The following KATNAL2 variants were observed in gnomAD, a reference collection of about 807,000 sequenced individuals.
KATNAL2 encodes the protein katanin catalytic subunit A1 like 2.
KATNAL2 carries 52 observed loss-of-function variants against 76.3 expected under a neutral mutation model. The observed-to-expected ratio is 0.68, with a 90% CI of 0.55 to 0.86. The LOEUF (loss-of-function observed/expected upper bound fraction) is 0.86. KATNAL2 is among the 40% of genes least tolerant of loss of function. The pLI is 0.00. For synonymous variants in KATNAL2, 243 were observed against 244.2 expected (o/e 1.00, Z 0.05); for missense variants, 660 against 668.9 (o/e 0.99, Z 0.15).
In KATNAL2 at chr18:47,049,713, G is replaced by C. The variant is rs141594542; in HGVS notation, c.123-3167G>C. On this transcript the variant is annotated intron_variant, in intron 4 of 17. Coordinates refer to ENST00000683218, the MANE Select transcript of KATNAL2 (RefSeq NM_001387690.1). ...TTGGCCAAAGCTTTTCCAGGGTTTT[G>C]TTATTGTGGTTGTTGTTTTGGAGAC... 2.4e-3 allele frequency among the ~76,000 whole-genome samples: 367 copies of C among 152,208 alleles called. 2 individuals carry two copies. The highest frequency in any genetic ancestry group is 3.3e-3 in the Admixed American group (51 of 15,286).
At chr18:46,954,064 T>C (rs758830826) in intron 3 of KATNAL2, among the ~76,000 whole-genome samples, 1 of 152,034 alleles carries the variant, frequency 6.6e-6, no homozygotes, top group Non-Finnish European at 1.5e-5. Flanking sequence ...CTCTTCAGTA[T>C]ATACGCTTCC....
At chr18:47,085,451 G>C (rs568698477) in intron 15 of KATNAL2, among the ~76,000 whole-genome samples, 1 of 152,268 alleles carries the variant, frequency 6.6e-6, no homozygotes, top group African/African-American at 2.4e-5. Flanking sequence ...AAGACCACCA[G>C]GTTAGAAGGA....
chr18:47,048,828 CTTTTTTTTTTTTT>C (rs35366730), intron 4 of KATNAL2, among the ~76,000 whole-genome samples: 1 of 76,720 alleles, frequency 1.3e-5, no homozygotes, highest in South Asian at 5.8e-4. Context: ...AAGCCAGACT[CTTTTTTTTTTTTT>C]TTTTTTTTTT....
chr18:47,099,551 CGAA>C, intron 16 of KATNAL2, 146 bp downstream of exon 16: 1 of 688,260 alleles, frequency 1.5e-6, no homozygotes, highest in Non-Finnish European at 2.3e-6. Context: ...GGCATCTTCA[CGAA>C]GAATAAGCTC....
At position 47,063,375 on chromosome 18, in the gene KATNAL2, T is replaced by C. The variant is rs1465241287; in HGVS notation, c.726+14T>C. The C allele has an allele frequency of 6.2e-7, 1 of 1,608,880 alleles. No homozygotes were observed. Among genetic ancestry groups the C allele is most frequent in the Non-Finnish European group, 8.5e-7 (1 of 1,176,628 alleles). On this transcript the variant is annotated intron_variant, in intron 10 of 17. Transcript: ENST00000683218. Reference sequence around the variant, plus strand: ...GTGGTGAGCCGGGTAAGATCTGATATTCAATTCACAAATTTATGGAGGCAG... The same window carrying C: ...GTGGTGAGCCGGGTAAGATCTGATACTCAATTCACAAATTTATGGAGGCAG...
rs553413789 is a variant in KATNAL2, at chr18:46,919,313, C to T, written c.-510+1387C>T. 7.2e-5 allele frequency among the ~76,000 whole-genome samples: 11 copies of T among 152,090 alleles called. No homozygotes were observed. The South Asian group carries it at 2.3e-3, about 32-fold the overall frequency. ...GCCAGCCTGACCAACATGGAGAAAC[C>T]CCGTCTCCACCAAAAATGCAAAATT... On this transcript the variant is annotated intron_variant, in intron 1 of 17. Coordinates refer to ENST00000683218, the MANE Select transcript of KATNAL2 (RefSeq NM_001387690.1).
Position 47,053,163 on chromosome 18 carries a change from G to A in KATNAL2, c.289+117G>A, listed in dbSNP as rs1450175060. 3.6e-6 allele frequency: 3 copies of A among 829,726 alleles called. No homozygotes were observed. In the East Asian group the frequency reaches 7.7e-5, roughly 21 times the overall value. 51.4% of individuals were successfully genotyped at this position (829,726 alleles called of 1,614,324 possible). A position where few individuals can be genotyped will look rare whatever the true frequency, so the allele number is the denominator to read the frequency against. ...ACCCTGCACCAAAGGAGTAGGCCAG[G>A]AGGATTGTGTAGCCATTCTCATATC... is the stretch of plus-strand genomic sequence containing the variant. On this transcript the variant is annotated intron_variant, in intron 5 of 17. Transcript: ENST00000683218.
At chr18:46,950,980 G>A (rs774787280) in intron 3 of KATNAL2, among the ~76,000 whole-genome samples, 8 of 152,048 alleles carry the variant, frequency 5.3e-5, no homozygotes, top group Non-Finnish European at 8.8e-5. Context: ...CACCGTGCCC[G>A]GCGATGTTCA....
chr18:46,923,822 C>T lies in KATNAL2; in HGVS notation c.-510+5896C>T, dbSNP rs531820947. 3.9e-5 allele frequency among the ~76,000 whole-genome samples: 6 copies of T among 152,162 alleles called. No individual in the cohort carries two copies. The East Asian group carries it at 1.2e-3, about 29-fold the overall frequency. Reference sequence around the variant, plus strand: ...GTTTTGATTTGTATTTCTCTGATGGCCAGTGATGATGAGCATTTTTTCATG... The same window carrying T: ...GTTTTGATTTGTATTTCTCTGATGGTCAGTGATGATGAGCATTTTTTCATG... On this transcript the variant is annotated intron_variant, in intron 1 of 17. Transcript: ENST00000683218.
At chr18:47,089,910 T>TAA (rs2062926126) in intron 15 of KATNAL2, among the ~76,000 whole-genome samples, 2 of 151,726 alleles carry the variant, frequency 1.3e-5, no homozygotes, top group African/African-American at 4.8e-5. Flanking sequence ...AGTATTTCTT[T>TAA]TAAAAAAAAA....
intron 13 of KATNAL2, among the ~76,000 whole-genome samples, chr18:47,072,861 T>C (rs2062055017): frequency 6.6e-6 from 1 of 152,236 alleles, no homozygotes; most frequent in Admixed American, 6.5e-5. Flanking sequence ...TAAAGCATGT[T>C]CTTTCATATG....
At chr18:46,947,577 TG>T (rs1236979321) in intron 3 of KATNAL2, among the ~76,000 whole-genome samples, 2 of 151,374 alleles carry the variant, frequency 1.3e-5, no homozygotes, top group African/African-American at 4.9e-5. Flanking sequence ...AAAAACAACG[TG>T]GGGGCGGGGG....
At chr18:46,955,150 C>CTTTCTTTCTTTCTTTCT in intron 3 of KATNAL2, among the ~76,000 whole-genome samples, 1 of 135,980 alleles carries the variant, frequency 7.4e-6, no homozygotes, top group African/African-American at 2.7e-5. Context: ...CTCTTTCTTT[C>CTTTCTTTCTTTCTTTCT]TTTCTTTCTT....
chr18:47,093,537 T>C (rs1292544680), intron 15 of KATNAL2, among the ~76,000 whole-genome samples: 4 of 152,074 alleles, frequency 2.6e-5, no homozygotes, highest in Admixed American at 6.6e-5. Context: ...TGTGTCTTTT[T>C]TTTTCTTTAA....
chr18:46,930,789 A>G (rs1320622956), intron 1 of KATNAL2, among the ~76,000 whole-genome samples: 2 of 151,252 alleles, frequency 1.3e-5, no homozygotes, highest in Non-Finnish European at 2.9e-5. Context: ...CTTGGGTGAC[A>G]GAGTGAGACT....
At chr18:46,944,145 C>A (rs927690891) in intron 1 of KATNAL2, among the ~76,000 whole-genome samples, 4 of 152,116 alleles carry the variant, frequency 2.6e-5, no homozygotes, top group Non-Finnish European at 5.9e-5. Flanking sequence ...ATTTCTGTAG[C>A]AAAATGTTAA....
At chr18:47,078,970 AAT>A (rs1333417752) in intron 15 of KATNAL2, among the ~76,000 whole-genome samples, 2 of 152,190 alleles carry the variant, frequency 1.3e-5, no homozygotes, top group Non-Finnish European at 2.9e-5. Context: ...CCTTAGAACC[AAT>A]ATGTTCTAAC....
In KATNAL2 at chr18:47,097,423, C is replaced by T. The variant is rs182157832; in HGVS notation, c.1212-1820C>T. ...GTGGATCCTGATGAATATGAAAACA[C>T]ATCATCATCTATGCAATACGCTTGC... On this transcript the variant is annotated intron_variant, in intron 15 of 17. Transcript: ENST00000683218. Among the ~76,000 whole-genome samples, 538 of 152,220 alleles carry T rather than the reference C, an allele frequency of 3.5e-3. 1 individual carries two copies. The highest frequency in any genetic ancestry group is 0.013 in the African/African-American group (520 of 41,534).
chr18:47,053,579 G>A (rs185126203), intron 5 of KATNAL2, among the ~76,000 whole-genome samples: 141 of 152,300 alleles, frequency 9.3e-4, no homozygotes, highest in Admixed American at 3.9e-4. Flanking sequence ...TCTAAAGTGG[G>A]GGCCCTGTGC....
Sources: gnomAD v4.1 joint callset for allele counts (sites outside exome capture counted in the v4.1 genomes callset) on GRCh38, gnomAD v4.1.1 for gene constraint, MANE v1.5 for transcripts, NCBI Gene and HGNC (gene_info 2026-07-23, HGNC 2026-07-21) for gene names.